CLCC1: variants seen among roughly 807,000 people sequenced by gnomAD.
The protein encoded by CLCC1 is chloride channel CLIC like 1.
In CLCC1, 39 loss-of-function variants were observed where a neutral mutation model predicts 63.3. The ratio of observed to expected loss-of-function variants is 0.62; its 90% CI spans 0.48 to 0.81. CLCC1 has a LOEUF of 0.81. Among genes scored for constraint, CLCC1 ranks in the 30% least tolerant of loss-of-function variants. CLCC1 has a pLI of 0.00. For missense variants in CLCC1, 549 were observed against 669.4 expected, an observed-to-expected ratio of 0.82 and a Z score of 1.98; for synonymous variants, 217 against 239.8, an observed-to-expected ratio of 0.90 and a Z score of 0.88.
At chr1:108,935,681 G>A (rs917783220) in intron 11 of CLCC1, among the ~76,000 whole-genome samples, 5 of 152,148 alleles carry the variant, frequency 3.3e-5, no homozygotes, top group African/African-American at 7.2e-5. Flanking sequence ...CAAAAGAATC[G>A]GTTGAGCCCA....
chr1:108,939,432 G>A lies in CLCC1; in HGVS notation c.1041+204C>T, dbSNP rs371741547. 7.7e-4 allele frequency among the ~76,000 whole-genome samples: 116 copies of A among 150,254 alleles called. 1 individual carries two copies. The East Asian group carries it at 0.02, about 26-fold the overall frequency. ...CCCCGTTCTCCTGCCTCAGCCTCCCGAGTAGCTGGGACTACAGGCGCCCGC... is the reference window on the plus strand; with the variant it reads ...CCCCGTTCTCCTGCCTCAGCCTCCCAAGTAGCTGGGACTACAGGCGCCCGC... On this transcript the variant is annotated intron_variant, in intron 10 of 12. Coordinates refer to ENST00000369969, the MANE Select transcript of CLCC1 (RefSeq NM_001377458.1).
rs1229620155 is a variant in CLCC1 at position 108,929,800 on chromosome 1, C to A, written c.*2747G>T. 6.2e-7 allele frequency: 1 copy of A among 1,613,886 alleles called. No homozygotes were observed. Among genetic ancestry groups the A allele is most frequent in the Non-Finnish European group, 8.5e-7 (1 of 1,179,956 alleles). ...CTTTTTCAGCCTTATTTTACGGTCC[C>A]AGGGAAAGAGAATGGATGAACAGAG... On this transcript the variant is annotated 3_prime_UTR_variant, in exon 13 of 13. Coordinates refer to ENST00000369969, the MANE Select transcript of CLCC1 (RefSeq NM_001377458.1).
intron 2 of CLCC1, among the ~76,000 whole-genome samples, chr1:108,951,883 C>A (rs1427256792): frequency 6.6e-6 from 1 of 151,664 alleles, no homozygotes; most frequent in Non-Finnish European, 1.5e-5. Flanking sequence ...GATCGGCCCA[C>A]CTCAGCCTCC....
Position 108,929,664 on chromosome 1 carries a change from C to A in CLCC1, c.*2883G>T, listed in dbSNP as rs752155776. The A allele has an allele frequency of 6.2e-7, 1 of 1,604,310 alleles. No homozygotes were observed. Among genetic ancestry groups the A allele is most frequent in the African/African-American group, 1.3e-5 (1 of 74,816 alleles). On this transcript the variant is annotated 3_prime_UTR_variant, in exon 13 of 13. Transcript: ENST00000369969. The stretch of plus-strand genomic sequence containing the variant: ...TAACATAGCTTGGTGCTTTCTTTCC[C>A]ACAGTATGTCTTTTAATCTCTCTCA...
At position 108,941,434 on chromosome 1, in the gene CLCC1, T is replaced by TTTAA; in HGVS notation, c.766_767insTTAA (p.Lys256IlefsTer15). 1 of 1,614,174 alleles carries TTTAA rather than the reference T, an allele frequency of 6.2e-7. No individual in the cohort carries two copies. Among genetic ancestry groups the TTTAA allele is most frequent in the Non-Finnish European group, 8.5e-7 (1 of 1,180,028 alleles). On this transcript the variant is annotated frameshift_variant, in exon 8 of 13. Coordinates refer to ENST00000369969, the MANE Select transcript of CLCC1 (RefSeq NM_001377458.1). LOFTEE classifies it high-confidence loss of function. ...GATACTTCCAGTCCAGTCCATCTTT[T>TTTAA]TGGCACACACATTGTTTAATGGCTC...
intron 2 of CLCC1, among the ~76,000 whole-genome samples, chr1:108,951,766 CTTTT>C (rs34333498): frequency 1.5e-5 from 2 of 132,296 alleles, no homozygotes; most frequent in African/African-American, 2.8e-5. Flanking sequence ...GAATTGTATA[CTTTT>C]TTTTTTTTTT....
chr1:108,931,262 G>T lies in CLCC1; in HGVS notation c.*1285C>A. On this transcript the variant is annotated 3_prime_UTR_variant, in exon 13 of 13. Transcript: ENST00000369969. ...TCACAAAAATTAAATATGAAAGAAA[G>T]ATGTCAGCTAGAACCTTAGTTGTCA... The T allele has an allele frequency of 6.9e-7, 1 of 1,443,726 alleles. No homozygotes were observed. Among genetic ancestry groups the T allele is most frequent in the East Asian group, 2.6e-5 (1 of 38,396 alleles). The allele number at this position is 1,443,726 out of a possible 1,614,324, so 89.4% of individuals were successfully genotyped here. A position where few individuals can be genotyped will look rare whatever the true frequency, so the allele number is the denominator to read the frequency against.
At chr1:108,960,177 T>C (rs145199022) in intron 2 of CLCC1, among the ~76,000 whole-genome samples, 2 of 152,216 alleles carry the variant, frequency 1.3e-5, no homozygotes, top group South Asian at 2.1e-4. Flanking sequence ...AAAATCACTG[T>C]TATGCTCTGG....
chr1:108,949,345 T>G (rs1349675349), intron 4 of CLCC1, among the ~76,000 whole-genome samples: 1 of 152,236 alleles, frequency 6.6e-6, no homozygotes, highest in Non-Finnish European at 1.5e-5. Context: ...TGTAAACTCT[T>G]CAGCTACATT....
chr1:108,950,291 A>T lies in CLCC1; in HGVS notation c.129+18T>A. 1 of 1,604,076 alleles carries T rather than the reference A, an allele frequency of 6.2e-7. No individual in the cohort carries two copies. The highest frequency in any genetic ancestry group is 8.5e-7 in the Non-Finnish European group (1 of 1,174,402). On this transcript the variant is annotated intron_variant, in intron 3 of 12. Transcript: ENST00000369969. ...GACTGATAAGGTCTCACACACATGC[A>T]CGAATTTTTTTTAATACCTGAGATT...
At chr1:108,953,950 C>T (rs1655521948) in intron 2 of CLCC1, among the ~76,000 whole-genome samples, 1 of 140,938 alleles carries the variant, frequency 7.1e-6, no homozygotes, top group Non-Finnish European at 1.5e-5. Flanking sequence ...GCAGAAGTTG[C>T]AGTGAGCCAA....
At chr1:108,941,937 CAT>C (rs1274298037) in intron 7 of CLCC1, among the ~76,000 whole-genome samples, 2 of 152,212 alleles carry the variant, frequency 1.3e-5, no homozygotes, top group East Asian at 3.9e-4. Flanking sequence ...TATAGGAAAA[CAT>C]ATTATTTGTA....
chr1:108,945,018 G>A lies in CLCC1; in HGVS notation c.340-961C>T, dbSNP rs562503578. On this transcript the variant is annotated intron_variant, in intron 5 of 12. Transcript: ENST00000369969. ...CTATAATAAATACAGGGTTTGGTTC[G>A]TGCAAACCTGTCATAACATTTTTAT... Among the ~76,000 whole-genome samples the A allele has an allele frequency of 5.9e-5, 9 of 152,310 alleles. No homozygotes were observed. The South Asian group carries it at 6.2e-4, about 11-fold the overall frequency.
chr1:108,942,827 G>A (rs992408221), intron 7 of CLCC1, among the ~76,000 whole-genome samples: 1 of 151,892 alleles, frequency 6.6e-6, no homozygotes, highest in Non-Finnish European at 1.5e-5. Flanking sequence ...ATAATATTTT[G>A]GTATCATTTC....
intron 12 of CLCC1, chr1:108,934,162 G>A (rs1652482412): frequency 6.5e-6 from 1 of 153,684 alleles, no homozygotes; most frequent in South Asian, 2.0e-4. Context: ...TACAGCCACA[G>A]TGACCTGTGG....
At position 108,937,260 on chromosome 1, in the gene CLCC1, A is replaced by G. The variant is rs562334230; in HGVS notation, c.1200T>C (p.Tyr400=). The G allele has an allele frequency of 9.3e-6, 15 of 1,614,218 alleles. No homozygotes were observed. Among genetic ancestry groups the G allele is most frequent in the African/African-American group, 2.7e-5 (2 of 75,066 alleles). The change falls in exon 11 of 13, where the codon TAT becomes TAC. Residue 400 remains tyrosine (Y), a synonymous_variant. Transcript: ENST00000369969. The part of the protein sequence containing the change: ...DGGAGDADFH[Y]RGQMGPTEQG... ...GCTCAGTGGGGCCCATTTGGCCCCT[A>G]TAATGGAAATCGGCATCACCTGCTC...
chr1:108,961,888 A>G (rs1656697472), intron 2 of CLCC1, among the ~76,000 whole-genome samples: 1 of 152,166 alleles, frequency 6.6e-6, no homozygotes, highest in Admixed American at 6.5e-5. Context: ...ATATTTTGTT[A>G]CTATGTGCTA....
At position 108,937,121 on chromosome 1, in the gene CLCC1, C is replaced by T. The variant is rs1653133083; in HGVS notation, c.1339G>A (p.Val447Ile). 1.0e-5 allele frequency: 16 copies of T among 1,529,450 alleles called. No individual in the cohort carries two copies. In the East Asian group the frequency reaches 3.6e-4, roughly 35 times the overall value. 94.7% of individuals were successfully genotyped at this position (1,529,450 alleles called of 1,614,324 possible). The change falls in exon 11 of 13, where the codon GTA becomes ATA. Residue 447 changes from valine to isoleucine, a missense_variant. Transcript: ENST00000369969. The stretch of plus-strand genomic sequence containing the variant: ...TGCTCTCGTGCCTCTGCGTCTGGTA[C>T]ATCAAATGCCCGGAGCACTTCAGGG... ...KSPEVLRAFD[V>I]PDAEAREHPT...
rs776233123 is a variant in CLCC1, at chr1:108,949,844, G to T, written c.207C>A (p.His69Gln). 4.4e-6 allele frequency: 7 copies of T among 1,580,846 alleles called. No homozygotes were observed. Among genetic ancestry groups the T allele is most frequent in the Non-Finnish European group, 5.1e-6 (6 of 1,165,352 alleles). Residue 69 changes from histidine (H) to glutamine (Q), a missense_variant, in exon 4 of 13, where the codon CAC becomes CAA. His to Gln is a conservative substitution (Grantham distance 24). Transcript: ENST00000369969. ...CCTTATAAGTTAAAGAATCAAGTTT[G>T]TGATAACATTCTGATATTTCATCAG... ...SCADEISECY[H>Q]KLDSLTYKID...
Sources: gnomAD v4.1 joint callset for allele counts (sites outside exome capture counted in the v4.1 genomes callset) on GRCh38, gnomAD v4.1.1 for gene constraint, MANE v1.5 for transcripts, NCBI Gene and HGNC (gene_info 2026-07-23, HGNC 2026-07-21) for gene names.